RAB18: variants seen among roughly 807,000 people sequenced by gnomAD.
RAB18 encodes RAB18, member RAS oncogene family, also known as ras-related protein Rab-18.
Under a neutral mutation model 28.5 loss-of-function variants are expected in RAB18, and 10 were observed. The observed-to-expected ratio is 0.35, with a 90% CI of 0.22 to 0.60. RAB18 has a LOEUF of 0.60. Ranked by LOEUF, RAB18 falls within the 20% of genes least tolerant of loss-of-function variation. The pLI, the probability that RAB18 is intolerant of heterozygous loss-of-function variation, is 0.78. For synonymous variants in RAB18, 93 were observed against 86.9 expected (o/e 1.07, Z -0.39); for missense variants, 188 against 244.2 (o/e 0.77, Z 1.53).
intron 1 of RAB18, among the ~76,000 whole-genome samples, chr10:27,508,730 A>G (rs755234904): frequency 6.6e-6 from 1 of 152,214 alleles, no homozygotes; most frequent in Non-Finnish European, 1.5e-5. Context: ...GTTCAAATAT[A>G]TTTAATGACA....
chr10:27,511,694 A>G (rs1219752583), intron 2 of RAB18, among the ~76,000 whole-genome samples: 1 of 152,206 alleles, frequency 6.6e-6, no homozygotes, highest in Non-Finnish European at 1.5e-5. Flanking sequence ...TTCAGAACAT[A>G]GTGTCAGTGA....
chr10:27,530,394 T>A (rs896381464), intron 3 of RAB18, among the ~76,000 whole-genome samples: 25 of 151,874 alleles, frequency 1.6e-4, no homozygotes, highest in African/African-American at 6.0e-4. Context: ...ATCCAAGGCT[T>A]GTCTTTTCAG....
intron 3 of RAB18, among the ~76,000 whole-genome samples, chr10:27,531,207 A>G (rs1349310984): frequency 6.6e-6 from 1 of 152,030 alleles, no homozygotes; most frequent in African/African-American, 2.4e-5. Flanking sequence ...AGGATCTGGA[A>G]GGAAAGGCTT....
intron 3 of RAB18, among the ~76,000 whole-genome samples, chr10:27,530,564 CAGAT>C (rs1173603002): frequency 5.3e-5 from 8 of 151,668 alleles, no homozygotes; most frequent in Non-Finnish European, 8.9e-5. Context: ...TGCATGTAAG[CAGAT>C]AGCTAGGATA....
chr10:27,519,844 G>A (rs186348270), intron 2 of RAB18, among the ~76,000 whole-genome samples: 2 of 152,174 alleles, frequency 1.3e-5, no homozygotes, highest in African/African-American at 4.8e-5. Context: ...ACTAGGAAAT[G>A]CAAAGGAAGT....
At chr10:27,528,320 G>A in intron 3 of RAB18, 1 of 495,760 alleles carries the variant, frequency 2.0e-6, no homozygotes, top group Non-Finnish European at 4.0e-6. Flanking sequence ...AAGAAGAGAG[G>A]TTTTCCCCCT....
intron 3 of RAB18, among the ~76,000 whole-genome samples, chr10:27,528,765 AATGAAT>A (rs1272708932): frequency 1.3e-5 from 2 of 151,982 alleles, no homozygotes; most frequent in African/African-American, 4.8e-5. Context: ...TGGAAGTAGA[AATGAAT>A]ATGAAGTCTT....
At chr10:27,504,723 A>C (rs992331569) in intron 1 of RAB18, 15 of 662,170 alleles carry the variant, frequency 2.3e-5, no homozygotes, top group South Asian at 7.4e-5. Flanking sequence ...CTCGGCCGGC[A>C]GGTTTGCTGC....
chr10:27,527,783 A>C (rs1834707965), intron 3 of RAB18, among the ~76,000 whole-genome samples: 1 of 152,114 alleles, frequency 6.6e-6, no homozygotes, highest in Non-Finnish European at 1.5e-5. Flanking sequence ...GCAAGTGTTC[A>C]TGCATTGTAT....
intron 2 of RAB18, among the ~76,000 whole-genome samples, chr10:27,523,849 GC>G: frequency 6.6e-6 from 1 of 152,090 alleles, no homozygotes; most frequent in East Asian, 1.9e-4. Context: ...GGAGGCCGAG[GC>G]GGGCGGATCA....
At chr10:27,537,825 A>G (rs993411307) in intron 6 of RAB18, 51 bp from the exon 7 acceptor site, 2 of 1,492,872 alleles carry the variant, frequency 1.3e-6, no homozygotes, top group South Asian at 1.1e-5. Context: ...AAACATGAGA[A>G]TATGGCCAGA....
At chr10:27,509,684 A>G (rs1016586899) in intron 1 of RAB18, among the ~76,000 whole-genome samples, 191 bp from the exon 2 acceptor site, 1 of 152,118 alleles carries the variant, frequency 6.6e-6, no homozygotes, top group Non-Finnish European at 1.5e-5. Context: ...TGCTCTTGGG[A>G]TTTTTAAATT....
At position 27,538,469 on chromosome 10, in the gene RAB18, C is replaced by T. The variant is rs1488217433; in HGVS notation, c.*418C>T. On this transcript the variant is annotated 3_prime_UTR_variant, in exon 7 of 7. Coordinates refer to ENST00000356940, the MANE Select transcript of RAB18 (RefSeq NM_021252.5). ...GGGGAAGAATAGAGGTATCATCAAA[C>T]GTGGCAAATTTTCTTTCAGGAATAA... The T allele has an allele frequency of 2.2e-6, 1 of 454,904 alleles. No homozygotes were observed. 28.2% of individuals were successfully genotyped at this position (454,904 alleles called of 1,614,324 possible).
In RAB18 at chr10:27,541,533, T is replaced by G; in HGVS notation, c.*3482T>G. ...CCCTTAGTTAAAGCTGTTCAATGAA[T>G]GTAAGCACACACACACCTACACACA... On this transcript the variant is annotated 3_prime_UTR_variant, in exon 7 of 7. Coordinates refer to ENST00000356940, the MANE Select transcript of RAB18 (RefSeq NM_021252.5). 2.2e-6 allele frequency: 1 copy of G among 453,888 alleles called. No individual in the cohort carries two copies. The highest frequency in any genetic ancestry group is 1.6e-5 in the South Asian group (1 of 64,450). 28.1% of individuals were successfully genotyped at this position (453,888 alleles called of 1,614,324 possible). A position where few individuals can be genotyped will look rare whatever the true frequency, so the allele number is the denominator to read the frequency against.
At chr10:27,521,709 G>A (rs1472232122) in intron 2 of RAB18, among the ~76,000 whole-genome samples, 3 of 152,132 alleles carry the variant, frequency 2.0e-5, no homozygotes, top group African/African-American at 4.8e-5. Context: ...GGGTGGGAGA[G>A]GGATGAGGGA....
At chr10:27,509,426 T>C (rs951154609) in intron 1 of RAB18, among the ~76,000 whole-genome samples, 1 of 152,216 alleles carries the variant, frequency 6.6e-6, no homozygotes, top group African/African-American at 2.4e-5. Flanking sequence ...TTGATATATT[T>C]CTGGTTTTGC....
At chr10:27,516,354 G>A (rs1589567557) in intron 2 of RAB18, among the ~76,000 whole-genome samples, 1 of 151,964 alleles carries the variant, frequency 6.6e-6, no homozygotes, top group African/African-American at 2.4e-5. Context: ...TCAGGAGTTC[G>A]AGACCAGCCT....
At chr10:27,536,782 A>G (rs1318212988) in intron 6 of RAB18, among the ~76,000 whole-genome samples, 1 of 152,226 alleles carries the variant, frequency 6.6e-6, no homozygotes, top group Non-Finnish European at 1.5e-5. Context: ...ATTGGATTTG[A>G]CAAGATAAAG....
At chr10:27,535,839 C>T (rs892098494) in intron 6 of RAB18, among the ~76,000 whole-genome samples, 1 of 152,120 alleles carries the variant, frequency 6.6e-6, no homozygotes, top group Admixed American at 6.5e-5. Flanking sequence ...GTAATCTCAG[C>T]ACTTTGGGAG....
Sources: gnomAD v4.1 joint callset for allele counts (sites outside exome capture counted in the v4.1 genomes callset) on GRCh38, gnomAD v4.1.1 for gene constraint, MANE v1.5 for transcripts, NCBI Gene and HGNC (gene_info 2026-07-23, HGNC 2026-07-21) for gene names.